The following GBE1 variants were observed in gnomAD, a reference collection of about 807,000 sequenced individuals.
GBE1 encodes 1,4-alpha-glucan branching enzyme 1, also known as 1,4-alpha-glucan-branching enzyme.
Under a neutral mutation model 88.8 loss-of-function variants are expected in GBE1, and 70 were observed. The observed-to-expected ratio is 0.79, with a 90% CI of 0.65 to 0.96. GBE1 has a LOEUF of 0.96. Among genes scored for constraint, GBE1 ranks in the 40% least tolerant of loss-of-function variants. GBE1 has a pLI of 0.00. For missense variants in GBE1, 872 were observed against 871.0 expected, an observed-to-expected ratio of 1.00 and a Z score of -0.01; for synonymous variants, 284 against 300.1, an observed-to-expected ratio of 0.95 and a Z score of 0.56.
intron 1 of GBE1, among the ~76,000 whole-genome samples, chr3:81,712,057 A>G (rs1418309389): frequency 6.6e-6 from 1 of 152,252 alleles, no homozygotes; most frequent in African/African-American, 2.4e-5. Context: ...AAAAATGCTC[A>G]TCATCACTGG....
intron 1 of GBE1, among the ~76,000 whole-genome samples, chr3:81,753,620 G>A (rs1004755741): frequency 6.6e-6 from 1 of 152,158 alleles, no homozygotes. Flanking sequence ...TGCAGCAGGT[G>A]CCAGAGCCTA....
chr3:81,631,531 T>A (rs1349546483), intron 7 of GBE1, among the ~76,000 whole-genome samples: 1 of 151,148 alleles, frequency 6.6e-6, no homozygotes, highest in East Asian at 1.9e-4. Flanking sequence ...GGTCAGGAGA[T>A]CGAAAACATC....
intron 12 of GBE1, among the ~76,000 whole-genome samples, chr3:81,551,923 G>T (rs17476108): frequency 6.6e-6 from 1 of 151,376 alleles, no homozygotes; most frequent in Admixed American, 6.6e-5. Context: ...GCTGAAAGGG[G>T]CCAGGAATGT....
intron 14 of GBE1, among the ~76,000 whole-genome samples, chr3:81,525,767 G>C (rs1702935054): frequency 1.3e-5 from 2 of 151,978 alleles, no homozygotes; most frequent in Admixed American, 1.3e-4. Flanking sequence ...TTGGGAGAGT[G>C]TATGTGTCGA....
chr3:81,498,168 T>C (rs372516689), intron 15 of GBE1, among the ~76,000 whole-genome samples: 75 of 152,284 alleles, frequency 4.9e-4, no homozygotes, highest in African/African-American at 1.7e-3. Context: ...TTTTATGCTA[T>C]GATCTTTGGC....
chr3:81,702,029 T>C (rs1194316407), intron 2 of GBE1, among the ~76,000 whole-genome samples: 1 of 150,130 alleles, frequency 6.7e-6, no homozygotes, highest in African/African-American at 2.4e-5. Flanking sequence ...CAACTATTAT[T>C]AGGAAAAAAC....
At chr3:81,580,080 C>A (rs1444112236) in intron 11 of GBE1, among the ~76,000 whole-genome samples, 4 of 151,934 alleles carry the variant, frequency 2.6e-5, no homozygotes, top group Non-Finnish European at 5.9e-5. Flanking sequence ...CGTTAAATGG[C>A]CAATTTCTGC....
At chr3:81,673,299 C>A (rs182303297) in intron 2 of GBE1, among the ~76,000 whole-genome samples, 1 of 151,770 alleles carries the variant, frequency 6.6e-6, no homozygotes, top group African/African-American at 2.4e-5. Context: ...GGGTATAGTT[C>A]GTTAGTTCAT....
intron 14 of GBE1, among the ~76,000 whole-genome samples, chr3:81,509,236 C>G (rs911703030): frequency 5.3e-5 from 8 of 149,776 alleles, no homozygotes; most frequent in Non-Finnish European, 8.9e-5. Context: ...AAAGTTTAAT[C>G]ATACAGTACA....
chr3:81,759,847 A>G (rs546328551), intron 1 of GBE1, among the ~76,000 whole-genome samples: 2 of 148,746 alleles, frequency 1.3e-5, no homozygotes, highest in Non-Finnish European at 3.0e-5. Context: ...TGTGTCATTT[A>G]AAAAAAAAAG....
chr3:81,594,358 T>A (rs145404509), intron 7 of GBE1, among the ~76,000 whole-genome samples: 36 of 152,190 alleles, frequency 2.4e-4, no homozygotes, highest in African/African-American at 6.5e-4. Context: ...GATTACTACA[T>A]AGTAGTGCTC....
intron 3 of GBE1, among the ~76,000 whole-genome samples, chr3:81,669,397 A>C (rs1705157128): frequency 6.6e-6 from 1 of 152,204 alleles, no homozygotes; most frequent in Non-Finnish European, 1.5e-5. Flanking sequence ...AACCTAAAAC[A>C]AAGGTTAAAA....
intron 1 of GBE1, among the ~76,000 whole-genome samples, chr3:81,711,384 G>A (rs1705863508): frequency 6.6e-6 from 1 of 152,194 alleles, no homozygotes; most frequent in Admixed American, 6.5e-5. Flanking sequence ...GGTTAAAGGA[G>A]TGGAGAGTTG....
chr3:81,737,373 ATATTTT>A (rs1559703781), intron 1 of GBE1, among the ~76,000 whole-genome samples: 1 of 32,054 alleles, frequency 3.1e-5, no homozygotes. Context: ...ATATTTATAT[ATATTTT>A]TATATATATT....
At chr3:81,643,046 C>G in intron 6 of GBE1, 56 bp from the exon 7 acceptor site, 3 of 1,163,808 alleles carry the variant, frequency 2.6e-6, no homozygotes, top group South Asian at 1.3e-5. Flanking sequence ...AGGAAACAGC[C>G]GATTGTGCAG....
chr3:81,575,073 G>A (rs1703626953), intron 12 of GBE1, among the ~76,000 whole-genome samples: 1 of 151,598 alleles, frequency 6.6e-6, no homozygotes. Context: ...GCTGAGGCAG[G>A]AGAATGGCGT....
At chr3:81,640,581 T>A (rs1365912096) in intron 7 of GBE1, among the ~76,000 whole-genome samples, 1 of 152,036 alleles carries the variant, frequency 6.6e-6, no homozygotes, top group African/African-American at 2.4e-5. Flanking sequence ...GAGTCAGTTC[T>A]CGTAATAAAC....
intron 14 of GBE1, among the ~76,000 whole-genome samples, chr3:81,511,049 T>C (rs566523474): frequency 1.0e-3 from 158 of 152,040 alleles, no homozygotes; most frequent in Middle Eastern, 6.8e-3. Context: ...TTATCAGTTA[T>C]GCTTTAAAAC....
intron 12 of GBE1, among the ~76,000 whole-genome samples, chr3:81,569,910 G>A (rs1361222271): frequency 6.6e-6 from 1 of 151,988 alleles, no homozygotes; most frequent in Non-Finnish European, 1.5e-5. Context: ...CACCTCCCAG[G>A]TTCAAGAGAT....
Sources: allele counts gnomAD v4.1 joint callset (sites outside exome capture counted in the v4.1 genomes callset), GRCh38; gene constraint gnomAD v4.1.1; transcripts MANE v1.5; gene names NCBI Gene and HGNC (gene_info 2026-07-23, HGNC 2026-07-21).